PENK: variants seen among roughly 807,000 people sequenced by gnomAD.
The protein encoded by PENK is proenkephalin.
Under a neutral mutation model 24.1 loss-of-function variants are expected in PENK, and 25 were observed. The observed-to-expected ratio is 1.04, with a 90% CI of 0.76 to 1.45. The LOEUF (loss-of-function observed/expected upper bound fraction) is 1.45. Ranked by LOEUF, PENK falls within the 40% of genes most tolerant of loss-of-function variation. PENK has a pLI of 0.00. For synonymous variants in PENK, 135 were observed against 130.3 expected (o/e 1.04, Z -0.24); for missense variants, 353 against 337.9 (o/e 1.04, Z -0.35).
intron 3 of PENK, chr8:56,443,640 A>T (rs528989324): frequency 2.7e-5 from 7 of 261,072 alleles, no homozygotes; most frequent in Admixed American, 1.1e-4. Context: ...CTCAGTAAAT[A>T]TTTGTTACAT....
chr8:56,446,050 T>G lies in PENK; in HGVS notation c.-3-94A>C, dbSNP rs1004537297. The G allele has an allele frequency of 2.8e-5, 38 of 1,378,938 alleles. No individual in the cohort carries two copies. The African/African-American group carries it at 4.8e-4, about 17-fold the overall frequency. The allele number at this position is 1,378,938 out of a possible 1,614,324, so 85.4% of individuals were successfully genotyped here. A position where few individuals can be genotyped will look rare whatever the true frequency, so the allele number is the denominator to read the frequency against. Reference sequence around the variant, plus strand: ...TCGCCGCGACAGCCTCAGCAGGGGATCGTCGAGCAAAAGCCCGCAGGAATG... The same window carrying G: ...TCGCCGCGACAGCCTCAGCAGGGGAGCGTCGAGCAAAAGCCCGCAGGAATG... On this transcript the variant is annotated intron_variant, in intron 2 of 3. Transcript: ENST00000451791.
chr8:56,444,238 C>G (rs1384063747), intron 3 of PENK, among the ~76,000 whole-genome samples: 2 of 152,246 alleles, frequency 1.3e-5, no homozygotes, highest in Non-Finnish European at 2.9e-5. Context: ...TATTAATTCG[C>G]TAACTCACAT....
rs776458248 is a variant in PENK, at chr8:56,441,363, G to T, written c.713C>A (p.Ala238Asp). 6.2e-7 allele frequency: 1 copy of T among 1,613,874 alleles called. No individual in the cohort carries two copies. The highest frequency in any genetic ancestry group is 2.2e-5 in the East Asian group (1 of 44,896). ...KRYGGFLKRF[A>D]EALPSDEEGE... is the part of the protein sequence containing the mutation. The stretch of plus-strand genomic sequence containing the variant: ...TTCTTCGTCGGAGGGCAGAGCCTCG[G>T]CAAAGCGCTTCAGGAAACCTCCATA... Residue 238 changes from alanine (A) to aspartate (D), a missense_variant, in exon 4 of 4, where the codon GCC becomes GAC. Physicochemically the swap from Ala to Asp is moderately radical, Grantham distance 126 (BLOSUM62 -2). Coordinates refer to ENST00000451791, the MANE Select transcript of PENK (RefSeq NM_001135690.3).
Position 56,441,326 on chromosome 8 carries a change from G to C in PENK, c.750C>G (p.Tyr250Ter). 1 of 1,612,504 alleles carries C rather than the reference G, an allele frequency of 6.2e-7. No individual in the cohort carries two copies. Among genetic ancestry groups the C allele is most frequent in the Middle Eastern group, 1.7e-4 (1 of 6,042 alleles). Residue 250 changes from tyrosine (Y) to a stop codon, truncating the protein, a stop_gained, in exon 4 of 4, where the codon TAC becomes TAG. Coordinates refer to ENST00000451791, the MANE Select transcript of PENK (RefSeq NM_001135690.3). LOFTEE classifies it high-confidence loss of function. ...TTTCCATTTCAGGAACTTCTTTGGA[G>C]TAACTTTCGCCTTCTTCGTCGGAGG... ...ALPSDEEGES[Y>*]SKEVPEMEKR... is the part of the protein sequence containing the mutation.
chr8:56,443,896 A>C (rs1804602989), intron 3 of PENK: 3 of 693,164 alleles, frequency 4.3e-6, no homozygotes, highest in Non-Finnish European at 7.9e-6. Flanking sequence ...CTAACACTAC[A>C]CGTGCCATTC....
Position 56,441,134 on chromosome 8 carries a change from C to T in PENK, c.*138G>A. 3 of 662,864 alleles carry T rather than the reference C, an allele frequency of 4.5e-6. No homozygotes were observed. Among genetic ancestry groups the T allele is most frequent in the East Asian group, 2.5e-5 (1 of 40,102 alleles). The allele number at this position is 662,864 out of a possible 1,614,324, so 41.1% of individuals were successfully genotyped here. ...GCACAGAACCTGAAATGACAGTTTTCAGGTTGTATAGTTATCCAGACAATG... is the reference window on the plus strand; with the variant it reads ...GCACAGAACCTGAAATGACAGTTTTTAGGTTGTATAGTTATCCAGACAATG... On this transcript the variant is annotated 3_prime_UTR_variant, in exon 4 of 4. Transcript: ENST00000451791.
chr8:56,445,890 C>A lies in PENK; in HGVS notation c.64G>T (p.Val22Leu). The change falls in exon 3 of 4, where the codon GTG (valine) becomes TTG (leucine). Residue 22 changes from valine to leucine, a missense_variant. Coordinates refer to ENST00000451791, the MANE Select transcript of PENK (RefSeq NM_001135690.3). ...CAATCCTGGCTGCATTCGGCCCGCA[C>A]GGTCGCCAGGAGCCCGGGGCCGAGC... ...LLLGPGLLAT[V>L]RAECSQDCAT... is the part of the protein sequence containing the mutation. The A allele has an allele frequency of 6.2e-7, 1 of 1,612,894 alleles. No homozygotes were observed. The highest frequency in any genetic ancestry group is 1.3e-5 in the African/African-American group (1 of 75,052).
chr8:56,442,361 A>G (rs1245083178), intron 3 of PENK, among the ~76,000 whole-genome samples: 1 of 152,224 alleles, frequency 6.6e-6, no homozygotes, highest in Non-Finnish European at 1.5e-5. Flanking sequence ...TTTCCTCAAA[A>G]TTCCTTTTAT....
intron 3 of PENK, among the ~76,000 whole-genome samples, chr8:56,443,346 T>C (rs1434357354): frequency 6.6e-6 from 1 of 152,242 alleles, no homozygotes; most frequent in Non-Finnish European, 1.5e-5. Context: ...ATGTTGAATG[T>C]TTTGCATACT....
chr8:56,445,045 C>T (rs914193520), intron 3 of PENK, among the ~76,000 whole-genome samples: 3 of 151,310 alleles, frequency 2.0e-5, no homozygotes, highest in African/African-American at 7.4e-5. Context: ...TTTCCCCAAC[C>T]CCCTGTAGTG....
intron 3 of PENK, chr8:56,445,407 A>G (rs1466520933): frequency 2.3e-6 from 1 of 434,886 alleles, no homozygotes; most frequent in Non-Finnish European, 4.1e-6. Context: ...TGGGAAGATG[A>G]CTGCGTGTGG....
chr8:56,444,096 C>T, intron 3 of PENK: 1 of 632,650 alleles, frequency 1.6e-6, no homozygotes, highest in Non-Finnish European at 2.9e-6. Context: ...GAGCTAGCTG[C>T]TACCCAGTGA....
chr8:56,445,818 G>A lies in PENK; in HGVS notation c.136C>T (p.Leu46=), dbSNP rs796813214. Residue 46 remains leucine, a splice_region_variant and synonymous_variant, in exon 3 of 4, where the codon CTG becomes TTG. Transcript: ENST00000451791. ...RLVRPADINF[L]ACVMECEGKL... Reference sequence around the variant, plus strand: ...CACTCGCCGCGCGCAACACTCACCAGGAAGTTGATGTCGGCCGGGCGCACT... The same window carrying A: ...CACTCGCCGCGCGCAACACTCACCAAGAAGTTGATGTCGGCCGGGCGCACT... 2 of 1,613,460 alleles carry A rather than the reference G, an allele frequency of 1.2e-6. No individual in the cohort carries two copies. The highest frequency in any genetic ancestry group is 1.1e-5 in the South Asian group (1 of 91,088).
chr8:56,445,712 G>T, intron 3 of PENK, 104 bp downstream of exon 3: 1 of 1,481,586 alleles, frequency 6.7e-7, no homozygotes, highest in Non-Finnish European at 9.4e-7. Context: ...CCGACCCGGT[G>T]CGAACCGCCA....
intron 3 of PENK, 104 bp downstream of exon 3, chr8:56,445,712 G>A (rs1804644548): frequency 1.1e-5 from 16 of 1,481,596 alleles, no homozygotes; most frequent in Non-Finnish European, 1.5e-5. Flanking sequence ...CCGACCCGGT[G>A]CGAACCGCCA....
At chr8:56,446,054 C>G (rs1458796972) in intron 2 of PENK, 98 bp from the exon 3 acceptor site, 9 of 1,343,738 alleles carry the variant, frequency 6.7e-6, no homozygotes, top group African/African-American at 3.0e-5. Flanking sequence ...AGGGGATCGT[C>G]GAGCAAAAGC....
chr8:56,445,726 G>A, intron 3 of PENK, 90 bp downstream of exon 3: 2 of 1,556,118 alleles, frequency 1.3e-6, no homozygotes, highest in Non-Finnish European at 1.8e-6. Context: ...ACCGCCATAC[G>A]CGCCGCGCGG....
chr8:56,445,864 G>T lies in PENK; in HGVS notation c.90C>A (p.Cys30Ter), dbSNP rs369772737. ...ATVRAECSQD[C>*]ATCSYRLVRP... ...GCACTAGGCGGTAGCTGCACGTCGCGCAATCCTGGCTGCATTCGGCCCGCA... is the reference window on the plus strand; with the variant it reads ...GCACTAGGCGGTAGCTGCACGTCGCTCAATCCTGGCTGCATTCGGCCCGCA... The change falls in exon 3 of 4, where the codon TGC becomes TGA. Residue 30 changes from cysteine to a stop codon, truncating the protein, a stop_gained. Transcript: ENST00000451791. LOFTEE classifies it high-confidence loss of function. 4.6e-5 allele frequency: 74 copies of T among 1,613,182 alleles called. No homozygotes were observed. The highest frequency in any genetic ancestry group is 5.6e-5 in the Non-Finnish European group (66 of 1,179,916).
intron 3 of PENK, among the ~76,000 whole-genome samples, chr8:56,442,592 C>T (rs1472668822): frequency 7.8e-6 from 1 of 128,842 alleles, no homozygotes; most frequent in Non-Finnish European, 1.8e-5. Context: ...GTTGTAAGTA[C>T]AGATCTTTTG....
Sources: allele counts gnomAD v4.1 joint callset (sites outside exome capture counted in the v4.1 genomes callset), GRCh38; gene constraint gnomAD v4.1.1; transcripts MANE v1.5; gene names NCBI Gene and HGNC (gene_info 2026-07-23, HGNC 2026-07-21).